Variants in BDNF observed in about 807,000 individuals in gnomAD.
BDNF encodes neurotrophic factor BDNF precursor form.
In BDNF, 1 loss-of-function variant was observed where a neutral mutation model predicts 19.5. The observed-to-expected ratio is 0.05, with a 90% CI of 0.02 to 0.24. The LOEUF is 0.24. Among genes scored for constraint, BDNF ranks in the 10% least tolerant of loss-of-function variants. BDNF has a pLI of 1.00. For synonymous variants in BDNF, 100 were observed against 121.6 expected, an observed-to-expected ratio of 0.82 and a Z score of 1.17; for missense variants, 195 against 317.6, an observed-to-expected ratio of 0.61 and a Z score of 2.93.
upstream of BDNF, chr11:27,701,611 C>T: frequency 1.0e-6 from 1 of 986,606 alleles, no homozygotes; most frequent in Non-Finnish European, 1.2e-6. Flanking sequence ...GCAGCCCTCT[C>T]CGCGGTGAAT....
chr11:27,687,349 G>C (rs1017976884), intron 1 of BDNF, among the ~76,000 whole-genome samples: 1 of 152,136 alleles, frequency 6.6e-6, no homozygotes, highest in Admixed American at 6.5e-5. Flanking sequence ...CATTGGGTTA[G>C]AGCATGCTCC....
rs774216055 is a variant in BDNF, at chr11:27,674,136, T to C, written c.-21-15551A>G. ...GAGGTACACAGCACAGCCCTTCTTC[T>C]GGGATGCACAGTCATGCCATACAGA... On this transcript the variant is annotated intron_variant, in intron 1 of 1. Transcript: ENST00000356660. The C allele has an allele frequency of 3.1e-6, 5 of 1,611,900 alleles. No homozygotes were observed. The South Asian group carries it at 4.4e-5, about 14-fold the overall frequency.
At chr11:27,687,674 G>C (rs1018405405) in intron 1 of BDNF, among the ~76,000 whole-genome samples, 11 of 152,186 alleles carry the variant, frequency 7.2e-5, no homozygotes, top group Admixed American at 2.6e-4. Context: ...CTCTGCTGCA[G>C]GTCTGCTGGA....
chr11:27,692,819 G>A (rs971753230), intron 1 of BDNF, among the ~76,000 whole-genome samples: 18 of 152,128 alleles, frequency 1.2e-4, no homozygotes, highest in African/African-American at 3.1e-4. Flanking sequence ...ATGACAGTTC[G>A]TCAAATCTTT....
rs185724844 is a variant in BDNF, at chr11:27,721,641, G to C, written c.-227C>G. Reference sequence around the variant, plus strand: ...TACAGAAGACAAAGCAACTGGCATCGATGTCGAAAAACCTATAGATTTACG... The same window carrying C: ...TACAGAAGACAAAGCAACTGGCATCCATGTCGAAAAACCTATAGATTTACG... On this transcript the variant is annotated 5_prime_UTR_variant, in exon 1 of 2. Coordinates refer to the BDNF transcript ENST00000314915. The C allele has an allele frequency of 1.1e-4, 67 of 604,806 alleles. No homozygotes were observed. In the East Asian group the frequency reaches 1.9e-3, roughly 17 times the overall value. 37.5% of individuals were successfully genotyped at this position (604,806 alleles called of 1,614,324 possible).
chr11:27,667,516 C>G lies in BDNF; in HGVS notation c.-21-8931G>C, dbSNP rs1854565352. On this transcript the variant is annotated intron_variant, in intron 1 of 1. Transcript: ENST00000356660. ...AGACCCATCAGTGTGCTGTATTCAG[C>G]AGACCCATCTCATGTGCAGAGACGC... is the stretch of plus-strand genomic sequence containing the variant. Among the ~76,000 whole-genome samples the G allele has an allele frequency of 2.0e-5, 3 of 152,214 alleles. No individual in the cohort carries two copies. The South Asian group carries it at 6.2e-4, about 32-fold the overall frequency.
At chr11:27,695,911 A>C (rs962085481) in intron 1 of BDNF, among the ~76,000 whole-genome samples, 8 of 151,924 alleles carry the variant, frequency 5.3e-5, no homozygotes, top group African/African-American at 1.9e-4. Flanking sequence ...ATTTAAATGA[A>C]AGCTTCCACA....
At chr11:27,700,951 T>C (rs1482785988), upstream of BDNF, 3 of 1,355,672 alleles carry the variant, frequency 2.2e-6, no homozygotes, top group Admixed American at 1.9e-5. Context: ...GGGCGTGCGT[T>C]TCCCGGGCCA....
chr11:27,705,142 G>A (rs975138325), upstream of BDNF, among the ~76,000 whole-genome samples: 3 of 152,186 alleles, frequency 2.0e-5, no homozygotes, highest in Non-Finnish European at 4.4e-5. Context: ...TACCAGATTT[G>A]TGCTGAGAAC....
chr11:27,717,763 G>A (rs1343671109), intron 1 of BDNF, among the ~76,000 whole-genome samples: 1 of 151,910 alleles, frequency 6.6e-6, no homozygotes, highest in Non-Finnish European at 1.5e-5. Flanking sequence ...AGAGCTCTTT[G>A]TAAATACACA....
intron 1 of BDNF, chr11:27,699,663 C>CGT: frequency 1.4e-6 from 2 of 1,423,378 alleles, no homozygotes; most frequent in South Asian, 3.1e-5. Context: ...AGCAGGTAGC[C>CGT]GTGTGCAGCT....
intron 1 of BDNF, among the ~76,000 whole-genome samples, chr11:27,685,638 C>A (rs1206388604): frequency 6.6e-6 from 1 of 152,094 alleles, no homozygotes; most frequent in Non-Finnish European, 1.5e-5. Flanking sequence ...TTTATTTCTG[C>A]CTTCTTTTTG....
At chr11:27,677,438 C>T (rs532054675) in intron 1 of BDNF, 11 of 151,972 alleles carry the variant, frequency 7.2e-5, no homozygotes, top group African/African-American at 2.7e-4. Flanking sequence ...ATGGCTACTA[C>T]CTTTTGTTTT....
intron 1 of BDNF, chr11:27,674,134 T>C (rs1392240615): frequency 1.9e-6 from 3 of 1,611,824 alleles, no homozygotes; most frequent in Non-Finnish European, 2.5e-6. Context: ...CAGCCCTTCT[T>C]CTGGGATGCA....
intron 1 of BDNF, chr11:27,665,128 C>T (rs1854093590): frequency 6.6e-6 from 1 of 152,210 alleles, no homozygotes; most frequent in South Asian, 2.1e-4. Context: ...GGATCTGTTA[C>T]AATTCACTGA....
At chr11:27,703,088 A>G (rs1859975909), upstream of BDNF, among the ~76,000 whole-genome samples, 1 of 152,200 alleles carries the variant, frequency 6.6e-6, no homozygotes, top group Non-Finnish European at 1.5e-5. Context: ...AAACTACCCT[A>G]CAGCACAGAT....
rs563225920 is a variant in BDNF at position 27,713,759 on chromosome 11, C to A, written c.3+7653G>T. ...GATTTTGGAGTGGATTTAACATTCA[C>A]TCAAAGGTTAAAAACTTTGACAAAG... On this transcript the variant is annotated intron_variant, in intron 1 of 1. Coordinates refer to the BDNF transcript ENST00000314915. Among the ~76,000 whole-genome samples, 122 of 152,256 alleles carry A rather than the reference C, an allele frequency of 8.0e-4. 1 individual carries two copies. Among genetic ancestry groups the A allele is most frequent in the African/African-American group, 2.8e-3 (117 of 41,554 alleles).
At chr11:27,686,495 A>G (rs1857506706) in intron 1 of BDNF, among the ~76,000 whole-genome samples, 1 of 152,128 alleles carries the variant, frequency 6.6e-6, no homozygotes, top group South Asian at 2.1e-4. Context: ...CATAGTTTCA[A>G]TGGTCTTTAC....
chr11:27,669,083 T>C (rs1050688858), intron 1 of BDNF, among the ~76,000 whole-genome samples: 1 of 152,188 alleles, frequency 6.6e-6, no homozygotes, highest in Non-Finnish European at 1.5e-5. Flanking sequence ...GCTTCATCCC[T>C]GGGATGCAAG....
Sources: gnomAD v4.1 joint callset for allele counts (sites outside exome capture counted in the v4.1 genomes callset) on GRCh38, gnomAD v4.1.1 for gene constraint, MANE v1.5 for transcripts, NCBI Gene and HGNC (gene_info 2026-07-23, HGNC 2026-07-21) for gene names.